The following GLIS3 variants were observed in gnomAD, a reference collection of about 807,000 sequenced individuals.
GLIS3 encodes the protein zinc finger protein GLIS3.
Under a neutral mutation model 78.6 loss-of-function variants are expected in GLIS3, and 53 were observed. That is an observed-to-expected ratio of 0.67 (90% CI 0.54 to 0.85). The LOEUF (loss-of-function observed/expected upper bound fraction) is 0.85, where lower values mean the gene tolerates loss of function less well. Among genes scored for constraint, GLIS3 ranks in the 40% least tolerant of loss-of-function variants. GLIS3 has a pLI of 0.00. For missense variants in GLIS3, 1,703 were observed against 1,231.1 expected, an observed-to-expected ratio of 1.38 and a Z score of -5.74; for synonymous variants, 684 against 509.9, an observed-to-expected ratio of 1.34 and a Z score of -4.60.
chr9:4,351,690 T>C (rs1817973952), upstream of GLIS3, among the ~76,000 whole-genome samples: 1 of 152,160 alleles, frequency 6.6e-6, no homozygotes, highest in Admixed American at 6.5e-5. Context: ...AAATGTTGTT[T>C]TTCCTTGAAC....
the GLIS3 span, among the ~76,000 whole-genome samples, chr9:4,470,701 G>T: frequency 1.3e-5 from 2 of 151,880 alleles, no homozygotes; most frequent in African/African-American, 4.8e-5. Flanking sequence ...CACAAGACAG[G>T]GATGCCCTCT....
chr9:4,119,352 A>G (rs997674958), intron 3 of GLIS3, among the ~76,000 whole-genome samples: 1 of 152,206 alleles, frequency 6.6e-6, no homozygotes, highest in African/African-American at 2.4e-5. Context: ...AGTAACATAT[A>G]AACTCATGCT....
At chr9:3,875,962 T>C (rs1223482477) in intron 8 of GLIS3, among the ~76,000 whole-genome samples, 2 of 152,200 alleles carry the variant, frequency 1.3e-5, no homozygotes, top group Admixed American at 1.3e-4. Context: ...ATCACTCAGC[T>C]ATGCCAAAGC....
intron 2 of GLIS3, among the ~76,000 whole-genome samples, chr9:4,317,412 C>G (rs1252658025): frequency 6.6e-6 from 1 of 152,198 alleles, no homozygotes; most frequent in Non-Finnish European, 1.5e-5. Flanking sequence ...CCGAGACATT[C>G]TTCTTGCAGC....
the GLIS3 span, among the ~76,000 whole-genome samples, chr9:4,379,594 C>A: frequency 1.3e-5 from 2 of 152,080 alleles, no homozygotes; most frequent in African/African-American, 4.8e-5. Context: ...TATTTCATTG[C>A]CATTGGGTGG....
intron 4 of GLIS3, among the ~76,000 whole-genome samples, chr9:4,000,668 C>T (rs1057470060): frequency 2.6e-5 from 4 of 152,166 alleles, no homozygotes; most frequent in Non-Finnish European, 4.4e-5. Flanking sequence ...AATCTAACTT[C>T]CAGCAAGGCA....
intron 2 of GLIS3, among the ~76,000 whole-genome samples, chr9:4,317,491 A>T (rs886074056): frequency 2.0e-5 from 3 of 152,260 alleles, no homozygotes; most frequent in African/African-American, 7.2e-5. Flanking sequence ...ATGTCTTTTT[A>T]AAAATATCAG....
At chr9:4,358,904 C>G in the GLIS3 span, among the ~76,000 whole-genome samples, 1 of 152,192 alleles carries the variant, frequency 6.6e-6, no homozygotes, top group Non-Finnish European at 1.5e-5. Context: ...GCTGCCTCCA[C>G]TCTCCCACTC....
intron 4 of GLIS3, among the ~76,000 whole-genome samples, chr9:4,307,882 A>C (rs555162760): frequency 6.6e-5 from 10 of 152,184 alleles, no homozygotes; most frequent in Non-Finnish European, 1.2e-4. Flanking sequence ...TAGACCAAGG[A>C]AACCTGTGTC....
chr9:3,912,935 T>G (rs113448920), intron 6 of GLIS3, among the ~76,000 whole-genome samples: 16,056 of 152,248 alleles, frequency 0.11, 957 homozygotes, highest in East Asian at 0.16. Context: ...CACTGGTTCA[T>G]TGCACTAATG....
At chr9:4,107,502 C>A (rs984075404) in intron 4 of GLIS3, among the ~76,000 whole-genome samples, 1 of 152,138 alleles carries the variant, frequency 6.6e-6, no homozygotes, top group African/African-American at 2.4e-5. Flanking sequence ...AGTCACTATA[C>A]AATCATAAGG....
chr9:4,107,107 T>G (rs1446252673), intron 4 of GLIS3, among the ~76,000 whole-genome samples: 1 of 152,150 alleles, frequency 6.6e-6, no homozygotes, highest in Non-Finnish European at 1.5e-5. Context: ...AAATGGTCTT[T>G]AAAGCTCTTT....
the GLIS3 span, among the ~76,000 whole-genome samples, chr9:4,443,731 G>C: frequency 6.6e-6 from 1 of 152,192 alleles, no homozygotes; most frequent in African/African-American, 2.4e-5. Flanking sequence ...GGAGTAACAG[G>C]CTTATATGTC....
chr9:4,251,099 A>G (rs1824327700), intron 2 of GLIS3, among the ~76,000 whole-genome samples: 1 of 152,134 alleles, frequency 6.6e-6, no homozygotes, highest in Non-Finnish European at 1.5e-5. Flanking sequence ...TGAGGTGGAG[A>G]GTTCTGTAAA....
chr9:4,410,113 G>C, the GLIS3 span, among the ~76,000 whole-genome samples: 153 of 151,306 alleles, frequency 1.0e-3, no homozygotes, highest in African/African-American at 3.6e-3. Flanking sequence ...TGGGATTACA[G>C]AAATGCACCA....
chr9:4,063,801 A>T (rs554803494), intron 4 of GLIS3, among the ~76,000 whole-genome samples: 1 of 152,292 alleles, frequency 6.6e-6, no homozygotes, highest in East Asian at 1.9e-4. Context: ...ATCATAGAAA[A>T]ATAACCTCTA....
At chr9:4,010,310 G>A (rs1178012118) in intron 4 of GLIS3, among the ~76,000 whole-genome samples, 1 of 152,150 alleles carries the variant, frequency 6.6e-6, no homozygotes, top group Non-Finnish European at 1.5e-5. Context: ...AGCGTTTTCA[G>A]TTGCAATATG....
the GLIS3 span, among the ~76,000 whole-genome samples, chr9:4,457,267 G>A: frequency 9.2e-5 from 14 of 151,848 alleles, no homozygotes; most frequent in South Asian, 2.7e-3. Context: ...AAGTTGAGGT[G>A]GGAGGATCAT....
At chr9:4,390,542 A>G in the GLIS3 span, among the ~76,000 whole-genome samples, 1 of 152,104 alleles carries the variant, frequency 6.6e-6, no homozygotes, top group Admixed American at 6.5e-5. Context: ...TACTTGATAA[A>G]CTTCATAAAC....
Sources: gnomAD v4.1 joint callset for allele counts (sites outside exome capture counted in the v4.1 genomes callset) on GRCh38, gnomAD v4.1.1 for gene constraint, MANE v1.5 for transcripts, NCBI Gene and HGNC (gene_info 2026-07-23, HGNC 2026-07-21) for gene names.